Variants in STXBP3 observed in about 807,000 individuals in gnomAD.
The protein encoded by STXBP3 is syntaxin-binding protein 3.
STXBP3 carries 41 observed loss-of-function variants against 85.7 expected under a neutral mutation model. That is an observed-to-expected ratio of 0.48 (90% CI 0.37 to 0.62). STXBP3 has a LOEUF of 0.62. Ranked by LOEUF, STXBP3 falls within the 20% of genes least tolerant of loss-of-function variation. STXBP3 has a pLI of 0.00. For missense variants in STXBP3, 563 were observed against 703.1 expected (o/e 0.80, Z 2.25); for synonymous variants, 229 against 231.7 (o/e 0.99, Z 0.10).
chr1:108,763,419 T>G (rs1037762280), intron 6 of STXBP3, among the ~76,000 whole-genome samples: 1 of 152,186 alleles, frequency 6.6e-6, no homozygotes, highest in Non-Finnish European at 1.5e-5. Context: ...TGCCTTGCTG[T>G]GGAACCATTA....
In STXBP3 at chr1:108,771,982, A is replaced by ATATC. The variant is rs1316365487; in HGVS notation, c.439-681_439-678dup. On this transcript the variant is annotated intron_variant, in intron 6 of 18. Coordinates refer to ENST00000370008, the MANE Select transcript of STXBP3 (RefSeq NM_007269.4). ...TCTGTATCATATATAAATACATATG[A>ATATC]TATCTGTATCATATATAAATACATA... 9.1e-5 allele frequency among the ~76,000 whole-genome samples: 2 copies of ATATC among 22,034 alleles called. 1 individual carries two copies. Among genetic ancestry groups the ATATC allele is most frequent in the Non-Finnish European group, 1.4e-4 (2 of 14,774 alleles). The allele number at this position is 22,034 out of a possible 152,430, so 14.5% of individuals were successfully genotyped here. A position where few individuals can be genotyped will look rare whatever the true frequency, so the allele number is the denominator to read the frequency against.
intron 9 of STXBP3, chr1:108,780,648 G>T (rs1690736): frequency 0.22 from 32,829 of 149,878 alleles, 3,874 homozygotes; most frequent in Non-Finnish European, 0.26. Flanking sequence ...GGATTGCAGG[G>T]GTGAGCCACC....
intron 8 of STXBP3, among the ~76,000 whole-genome samples, chr1:108,778,156 T>C (rs552638871): frequency 6.6e-6 from 1 of 152,306 alleles, no homozygotes; most frequent in Admixed American, 6.5e-5. Flanking sequence ...TAAATTAATG[T>C]GCTTAATTTT....
intron 9 of STXBP3, chr1:108,780,843 A>G (rs1439057369): frequency 1.4e-5 from 2 of 146,250 alleles, no homozygotes; most frequent in Non-Finnish European, 3.0e-5. Context: ...ATCTCTGCTC[A>G]TTGCAGCCTT....
intron 11 of STXBP3, among the ~76,000 whole-genome samples, chr1:108,789,761 A>G (rs773994178): frequency 6.6e-6 from 1 of 152,088 alleles, no homozygotes; most frequent in Non-Finnish European, 1.5e-5. Context: ...GTCTTTTAAA[A>G]TATGTTAAGA....
At chr1:108,765,059 G>C (rs1662229491) in intron 6 of STXBP3, among the ~76,000 whole-genome samples, 1 of 152,114 alleles carries the variant, frequency 6.6e-6, no homozygotes, top group South Asian at 2.1e-4. Context: ...TTTTGTATAT[G>C]GTGTATGGAA....
At chr1:108,773,486 C>T (rs1470199716) in intron 7 of STXBP3, among the ~76,000 whole-genome samples, 1 of 152,082 alleles carries the variant, frequency 6.6e-6, no homozygotes, top group South Asian at 2.1e-4. Context: ...GAATATTAAA[C>T]ATTGAAAGAA....
At position 108,746,770 on chromosome 1, in the gene STXBP3, G is replaced by C; in HGVS notation, c.33G>C (p.Lys11Asn). The C allele has an allele frequency of 6.4e-7, 1 of 1,550,720 alleles. No homozygotes were observed. Among genetic ancestry groups the C allele is most frequent in the Non-Finnish European group, 8.7e-7 (1 of 1,146,782 alleles). The change falls in exon 1 of 19, where the codon AAG becomes AAC. Residue 11 changes from lysine to asparagine, a missense_variant. Around this residue, in one of 3 missense-constraint regions of STXBP3, gnomAD observed 37 missense variants for 39.7 expected, o/e 0.93. Transcript: ENST00000370008. MAPPVAERGL[K>N]SVVWQKIKAT... ...CGCCGGTGGCAGAGAGGGGGCTAAA[G>C]AGCGTCGTGTGGCAGAGTGAGTGCG...
chr1:108,802,412 TTA>T (rs1235044757), intron 17 of STXBP3, among the ~76,000 whole-genome samples: 4 of 152,022 alleles, frequency 2.6e-5, no homozygotes, highest in Non-Finnish European at 4.4e-5. Flanking sequence ...AATTAATTAA[TTA>T]ATTTATTTAT....
chr1:108,807,621 G>C, intron 18 of STXBP3, 72 bp downstream of exon 18: 1 of 1,478,358 alleles, frequency 6.8e-7, no homozygotes, highest in Non-Finnish European at 9.0e-7. Context: ...TTGTCCCCCA[G>C]GCTGGAGTGG....
intron 6 of STXBP3, among the ~76,000 whole-genome samples, chr1:108,771,652 ATCTATATATATCATATATAAATATATAT>A (rs1662429814): frequency 4.8e-4 from 4 of 8,406 alleles, no homozygotes; most frequent in African/African-American, 1.9e-3. Context: ...TATGATATAT[ATCTATATATATCATATATAAATATATAT>A]GATATCTATC....
At position 108,771,939 on chromosome 1, in the gene STXBP3, ATATAAATACATATGATATCTG is replaced by A. The variant is rs1662451050; in HGVS notation, c.439-722_439-702del. Among the ~76,000 whole-genome samples, 3 of 57,614 alleles carry A rather than the reference ATATAAATACATATGATATCTG, an allele frequency of 5.2e-5. 1 individual carries two copies. Among genetic ancestry groups the A allele is most frequent in the African/African-American group, 8.5e-5 (1 of 11,772 alleles). 37.8% of individuals were successfully genotyped at this position (57,614 alleles called of 152,430 possible). ...TACATATGATATCTATCTGTATCAT[ATATAAATACATATGATATCTG>A]TATCATATATAAATACATATGATAT... On this transcript the variant is annotated intron_variant, in intron 6 of 18. Transcript: ENST00000370008.
At chr1:108,796,562 T>A in intron 14 of STXBP3, 58 bp from the exon 15 acceptor site, 1 of 1,502,202 alleles carries the variant, frequency 6.7e-7, no homozygotes, top group South Asian at 1.2e-5. Flanking sequence ...ACCTAAAGCC[T>A]TGAAATTATT....
At chr1:108,749,640 C>G (rs1661861940) in intron 1 of STXBP3, among the ~76,000 whole-genome samples, 1 of 152,186 alleles carries the variant, frequency 6.6e-6, no homozygotes, top group Non-Finnish European at 1.5e-5. Flanking sequence ...CCTTTGACTC[C>G]TCTCTAAACA....
At chr1:108,759,015 G>A (rs1469933604) in intron 5 of STXBP3, 1 of 152,266 alleles carries the variant, frequency 6.6e-6, no homozygotes, top group African/African-American at 2.4e-5. Context: ...ACAGCCATCT[G>A]TTTGGCAAAT....
chr1:108,798,608 G>T (rs1663166021), intron 16 of STXBP3, among the ~76,000 whole-genome samples: 1 of 151,660 alleles, frequency 6.6e-6, no homozygotes, highest in Non-Finnish European at 1.5e-5. Flanking sequence ...TGGAGACAGG[G>T]TTTCACTATG....
chr1:108,772,965 G>A, intron 7 of STXBP3, 146 bp downstream of exon 7: 1 of 769,932 alleles, frequency 1.3e-6, no homozygotes. Flanking sequence ...GAGATTTAAA[G>A]CTTGTGGTTT....
rs781000610 is a variant in STXBP3 at position 108,798,406 on chromosome 1, CTTTTTTTTTTT to C, written c.1449+180_1449+190del. Among the ~76,000 whole-genome samples, 20 of 101,570 alleles carry C rather than the reference CTTTTTTTTTTT, an allele frequency of 2.0e-4. No individual in the cohort carries two copies. In the East Asian group the frequency reaches 5.7e-3, roughly 29 times the overall value. The allele number at this position is 101,570 out of a possible 152,430, so 66.6% of individuals were successfully genotyped here. A position where few individuals can be genotyped will look rare whatever the true frequency, so the allele number is the denominator to read the frequency against. ...TGGGAAACTCTTGAAGATTCTTCTT[CTTTTTTTTTTT>C]TTTTTTTTTTCTTTTTGAGACAGAG... On this transcript the variant is annotated intron_variant, in intron 16 of 18. Transcript: ENST00000370008.
In STXBP3 at chr1:108,785,012, C is replaced by T. The variant is rs146934308; in HGVS notation, c.963+2306C>T. Among the ~76,000 whole-genome samples the T allele has an allele frequency of 7.0e-3, 1,065 of 152,316 alleles. 6 individuals carry two copies. The highest frequency in any genetic ancestry group is 0.013 in the Admixed American group (193 of 15,296). ...CCTGTGGCTTTGCAGGATATAGCCC[C>T]TCTCCCAGCTGCTTTCATGGGCTGG... On this transcript the variant is annotated intron_variant, in intron 11 of 18. Coordinates refer to ENST00000370008, the MANE Select transcript of STXBP3 (RefSeq NM_007269.4).
Sources: allele counts gnomAD v4.1 joint callset (sites outside exome capture counted in the v4.1 genomes callset), GRCh38; gene constraint gnomAD v4.1.1; regional missense constraint gnomAD v4.1.1; transcripts MANE v1.5; gene names NCBI Gene and HGNC (gene_info 2026-07-23, HGNC 2026-07-21).